MKI67: variants seen among roughly 807,000 people sequenced by gnomAD.
MKI67 encodes marker of proliferation Ki-67, also known as proliferation marker protein Ki-67.
In MKI67, 152 loss-of-function variants were observed where a neutral mutation model predicts 233.5. That is an observed-to-expected ratio of 0.65 (90% CI 0.57 to 0.74). The LOEUF (loss-of-function observed/expected upper bound fraction) is 0.74, where lower values mean the gene tolerates loss of function less well. MKI67 is among the 30% of genes least tolerant of loss of function. The pLI, the probability that MKI67 is intolerant of heterozygous loss-of-function variation, is 0.00. For missense variants in MKI67, 3,940 were observed against 3,885.2 expected, an observed-to-expected ratio of 1.01 and a Z score of -0.37; for synonymous variants, 1,465 against 1,418.5, an observed-to-expected ratio of 1.03 and a Z score of -0.74.
chr10:128,119,371 C>T (rs929081167), intron 4 of MKI67, 52 bp from the exon 5 acceptor site: 4 of 1,298,172 alleles, frequency 3.1e-6, no homozygotes, highest in East Asian at 2.3e-5. Context: ...TACCCTGGGG[C>T]GGAAGTCTCC....
chr10:128,115,327 G>A lies in MKI67; in HGVS notation c.1081C>T (p.His361Tyr). 1 of 1,614,118 alleles carries A rather than the reference G, an allele frequency of 6.2e-7. No homozygotes were observed. The highest frequency in any genetic ancestry group is 1.1e-5 in the South Asian group (1 of 91,082). ...YSQQQNSPQKHKNKDLYTTGR... is the reference protein window; with the variant it reads ...YSQQQNSPQKYKNKDLYTTGR... ...GTAGTATACAGGTCTTTGTTCTTATGTTTTTGTGGAGAATTTTGTTGCTGT... is the reference window on the plus strand; with the variant it reads ...GTAGTATACAGGTCTTTGTTCTTATATTTTTGTGGAGAATTTTGTTGCTGT... The change falls in exon 7 of 15, where the codon CAT becomes TAT. Residue 361 changes from histidine to tyrosine, a missense_variant. Coordinates refer to ENST00000368654, the MANE Select transcript of MKI67 (RefSeq NM_002417.5).
rs767676863 is a variant in MKI67 at position 128,108,857 on chromosome 10, G to A, written c.2983C>T (p.Pro995Ser). Reference protein sequence around the residue: ...LLQTQDHAKAPKSEKGKITKM... With the variant: ...LLQTQDHAKASKSEKGKITKM... ...GTGATTTTGCCTTTCTCACTCTTTGGTGCCTTGGCATGATCTTGGGTTTGG... is the reference window on the plus strand; with the variant it reads ...GTGATTTTGCCTTTCTCACTCTTTGATGCCTTGGCATGATCTTGGGTTTGG... Residue 995 changes from proline to serine, a missense_variant, in exon 13 of 15, where the codon CCA (proline) becomes TCA (serine). Pro to Ser is a moderately conservative substitution (Grantham distance 74). Coordinates refer to ENST00000368654, the MANE Select transcript of MKI67 (RefSeq NM_002417.5). The A allele has an allele frequency of 6.2e-7, 1 of 1,614,120 alleles. No individual in the cohort carries two copies. Among genetic ancestry groups the A allele is most frequent in the South Asian group, 1.1e-5 (1 of 91,078 alleles).
In MKI67 at chr10:128,108,796, A is replaced by G. The variant is rs771563617; in HGVS notation, c.3044T>C (p.Ile1015Thr). ...TTGTTTTGTGTGTGTTGGGGTGTTT[A>G]TTGGTTCTGGTTGTAATGACTGGCA... ...MPCQSLQPEP[I>T]NTPTHTKQQL... The change falls in exon 13 of 15, where the codon ATA (isoleucine) becomes ACA (threonine). Residue 1015 changes from isoleucine to threonine, a missense_variant. By Grantham distance (89) the Ile-to-Thr change is moderately conservative. Coordinates refer to ENST00000368654, the MANE Select transcript of MKI67 (RefSeq NM_002417.5). 5 of 1,613,912 alleles carry G rather than the reference A, an allele frequency of 3.1e-6. No homozygotes were observed. The East Asian group carries it at 8.9e-5, about 29-fold the overall frequency.
In MKI67 at chr10:128,114,980, A is replaced by G; in HGVS notation, c.1428T>C (p.Ser476=). ...KLGTTAGQMC[S]GLPGLSSVDI... ...CAACTGAACTAAGACCAGGTAACCC[A>G]GAGCACATCTGTCCAGCTGTAGTGC... The change falls in exon 7 of 15, where the codon TCT becomes TCC. Residue 476 remains serine (S), a synonymous_variant. Coordinates refer to ENST00000368654, the MANE Select transcript of MKI67 (RefSeq NM_002417.5). The G allele has an allele frequency of 6.3e-7, 1 of 1,599,066 alleles. No individual in the cohort carries two copies.
In MKI67 at chr10:128,102,929, C is replaced by G. The variant is rs780096092; in HGVS notation, c.8911G>C (p.Val2971Leu). ...TCTCTGGTGCTTACCACGTCTCCCA[C>G]GGGTTCTACTTTAGGGGCCCGAAGA... is the stretch of plus-strand genomic sequence containing the variant. ...RVLRAPKVEP[V>L]GDVVSTRDPV... The change falls in exon 13 of 15, where the codon GTG (valine) becomes CTG (leucine). Residue 2971 changes from valine (V) to leucine (L), a missense_variant. By Grantham distance (32) the Val-to-Leu change is conservative (BLOSUM62 1). Transcript: ENST00000368654. 9 of 1,614,200 alleles carry G rather than the reference C, an allele frequency of 5.6e-6. No homozygotes were observed. In the East Asian group the frequency reaches 2.0e-4, roughly 36 times the overall value.
chr10:128,109,128 G>T lies in MKI67; in HGVS notation c.2712C>A (p.Ile904=). ...GTGTTGCCTTCTGACCTCTTTTTAGGATGCACTCAACAATTTCTGTATTTG... is the reference window on the plus strand; with the variant it reads ...GTGTTGCCTTCTGACCTCTTTTTAGTATGCACTCAACAATTTCTGTATTTG... ...EETNTEIVEC[I]LKRGQKATLL... The change falls in exon 13 of 15, where the codon ATC becomes ATA. Residue 904 remains isoleucine (I), a synonymous_variant. Transcript: ENST00000368654. 6.2e-7 allele frequency: 1 copy of T among 1,613,856 alleles called. No homozygotes were observed. Among genetic ancestry groups the T allele is most frequent in the South Asian group, 1.1e-5 (1 of 91,072 alleles).
At chr10:128,110,619 G>C in intron 11 of MKI67, 86 bp from the exon 12 acceptor site, 1 of 1,042,654 alleles carries the variant, frequency 9.6e-7, no homozygotes. Context: ...ACGTGCAAAT[G>C]GTGGGAAATA....
chr10:128,111,256 T>C (rs1383292846), intron 11 of MKI67, among the ~76,000 whole-genome samples: 1 of 152,190 alleles, frequency 6.6e-6, no homozygotes, highest in East Asian at 1.9e-4. Context: ...AGAAAGTCAA[T>C]CCTGAAGAAG....
chr10:128,101,107 G>T, intron 14 of MKI67, 151 bp downstream of exon 14: 1 of 710,228 alleles, frequency 1.4e-6, no homozygotes, highest in Non-Finnish European at 2.3e-6. Flanking sequence ...CCAAATTTAT[G>T]TCTTAGCATA....
At position 128,106,729 on chromosome 10, in the gene MKI67, G is replaced by C. The variant is rs761180954; in HGVS notation, c.5111C>G (p.Ser1704Cys). The C allele has an allele frequency of 6.2e-7, 1 of 1,614,112 alleles. No individual in the cohort carries two copies. The highest frequency in any genetic ancestry group is 1.1e-5 in the South Asian group (1 of 91,082). The stretch of plus-strand genomic sequence containing the variant: ...GCCGGCCAGGTCTTCAGGGACTTCA[G>C]ACTTTCCCTTAGGAGTTCTCAGCTG... ...KRQLRTPKGK[S>C]EVPEDLAGFI... The change falls in exon 13 of 15, where the codon TCT becomes TGT. Residue 1704 changes from serine to cysteine, a missense_variant. Transcript: ENST00000368654.
Position 128,125,425 on chromosome 10 carries a change from C to G in MKI67, c.92+151G>C. The G allele has an allele frequency of 1.4e-6, 1 of 692,200 alleles. No homozygotes were observed. Among genetic ancestry groups the G allele is most frequent in the Non-Finnish European group, 2.6e-6 (1 of 388,694 alleles). 42.9% of individuals were successfully genotyped at this position (692,200 alleles called of 1,614,324 possible). Reference sequence around the variant, plus strand: ...TTTATACTTACAAAACAAAAAAACACAACTATGTCAACTTAGTAACGAATG... The same window carrying G: ...TTTATACTTACAAAACAAAAAAACAGAACTATGTCAACTTAGTAACGAATG... On this transcript the variant is annotated intron_variant, in intron 2 of 14. Coordinates refer to ENST00000368654, the MANE Select transcript of MKI67 (RefSeq NM_002417.5). The surrounding 1 kb of genome is among the most constrained non-coding windows in gnomAD (Gnocchi z 5.3).
In MKI67 at chr10:128,113,584, G is replaced by T; in HGVS notation, c.1499C>A (p.Pro500His). The T allele has an allele frequency of 6.2e-7, 1 of 1,614,124 alleles. No individual in the cohort carries two copies. Among genetic ancestry groups the T allele is most frequent in the East Asian group, 2.2e-5 (1 of 44,882 alleles). ...AAAGGACACACGCCTTCTTTTCAAA[G>T]GTATTCCCTCACTCTCATCTAAAGT... ...GDSINESEGIPLKRRRVSFGG... is the reference protein window; with the variant it reads ...GDSINESEGIHLKRRRVSFGG... Residue 500 changes from proline to histidine, a missense_variant, in exon 8 of 15, where the codon CCT (proline) becomes CAT (histidine). Pro to His is a moderately conservative substitution (Grantham distance 77). Transcript: ENST00000368654.
At chr10:128,124,722 A>G (rs1853019165) in intron 2 of MKI67, among the ~76,000 whole-genome samples, 1 of 152,200 alleles carries the variant, frequency 6.6e-6, no homozygotes, top group African/African-American at 2.4e-5. Flanking sequence ...TGGAAATACA[A>G]GTTTTCATGC....
At chr10:128,118,640 T>C (rs1407681631) in intron 5 of MKI67, among the ~76,000 whole-genome samples, 1 of 152,162 alleles carries the variant, frequency 6.6e-6, no homozygotes, top group African/African-American at 2.4e-5. Context: ...ACAACTAAAA[T>C]ACCTCTTCCA....
At position 128,105,761 on chromosome 10, in the gene MKI67, G is replaced by A; in HGVS notation, c.6079C>T (p.Gln2027Ter). Reference sequence around the variant, plus strand: ...TCTCCTGCTGTCTCTCTGTGTGTCTGTGTGGTCTTCCCTGACGTCTGTGTG... The same window carrying A: ...TCTCCTGCTGTCTCTCTGTGTGTCTATGTGGTCTTCCCTGACGTCTGTGTG... ...KLTQTSGKTT[Q>*]THRETAGDGK... The change falls in exon 13 of 15, where the codon CAG becomes TAG. Residue 2027 changes from glutamine (Q) to a stop codon, truncating the protein, a stop_gained. Coordinates refer to ENST00000368654, the MANE Select transcript of MKI67 (RefSeq NM_002417.5). LOFTEE classifies it high-confidence loss of function. The A allele has an allele frequency of 6.2e-7, 1 of 1,614,080 alleles. No homozygotes were observed. Among genetic ancestry groups the A allele is most frequent in the Non-Finnish European group, 8.5e-7 (1 of 1,180,032 alleles).
chr10:128,099,609 C>A (rs572746345), intron 14 of MKI67, among the ~76,000 whole-genome samples: 4 of 152,312 alleles, frequency 2.6e-5, no homozygotes, highest in Admixed American at 6.5e-5. Context: ...AGGATTAAGT[C>A]TTTTGGGTCT....
At position 128,106,308 on chromosome 10, in the gene MKI67, A is replaced by T; in HGVS notation, c.5532T>A (p.Thr1844=). The T allele has an allele frequency of 6.2e-7, 1 of 1,612,338 alleles. No homozygotes were observed. Among genetic ancestry groups the T allele is most frequent in the Non-Finnish European group, 8.5e-7 (1 of 1,179,730 alleles). ...GFRELFQTPC[T]DNPTTDEKTT... ...TTTTCTCATCAGTCGTGGGGTTATC[A>T]GTGCATGGTGTCTGGAAAAGCTCTC... The change falls in exon 13 of 15, where the codon ACT becomes ACA. Residue 1844 remains threonine, a synonymous_variant. Transcript: ENST00000368654.
At position 128,105,366 on chromosome 10, in the gene MKI67, G is replaced by T; in HGVS notation, c.6474C>A (p.Asn2158Lys). 1 of 1,614,028 alleles carries T rather than the reference G, an allele frequency of 6.2e-7. No individual in the cohort carries two copies. Among genetic ancestry groups the T allele is most frequent in the Non-Finnish European group, 8.5e-7 (1 of 1,179,986 alleles). ...KVPGDEDKGI[N>K]VFRETAKQKL... ...TCTGTTTTGCAGTTTCCCTGAACAC[G>T]TTGATGCCTTTATCCTCATCTCCTG... Residue 2158 changes from asparagine to lysine, a missense_variant, in exon 13 of 15, where the codon AAC becomes AAA. Transcript: ENST00000368654.
At position 128,103,585 on chromosome 10, in the gene MKI67, G is replaced by A. The variant is rs1265153346; in HGVS notation, c.8255C>T (p.Ala2752Val). The change falls in exon 13 of 15, where the codon GCA becomes GTA. Residue 2752 changes from alanine to valine, a missense_variant. Physicochemically the swap from Ala to Val is moderately conservative, Grantham distance 64. Coordinates refer to ENST00000368654, the MANE Select transcript of MKI67 (RefSeq NM_002417.5). ...ATCTTCACCTGCTGGTTCTTTGTCT[G>A]CATCCGTGGTTTCCCCTGATGTTTG... ...FTQTSGETTDADKEPAGEDKG... is the reference protein window; with the variant it reads ...FTQTSGETTDVDKEPAGEDKG... The A allele has an allele frequency of 6.2e-7, 1 of 1,614,004 alleles. No individual in the cohort carries two copies. Among genetic ancestry groups the A allele is most frequent in the Non-Finnish European group, 8.5e-7 (1 of 1,180,036 alleles).
Sources: gnomAD v4.1 joint callset for allele counts (sites outside exome capture counted in the v4.1 genomes callset) on GRCh38, gnomAD v4.1.1 for gene constraint, Gnocchi (gnomAD v3.1) non-coding constraint, MANE v1.5 for transcripts, NCBI Gene and HGNC (gene_info 2026-07-23, HGNC 2026-07-21) for gene names.